The following MEIS2 variants were observed in gnomAD, a reference collection of about 807,000 sequenced individuals.
MEIS2 encodes the protein Meis homeobox 2.
In MEIS2, 9 loss-of-function variants were observed where a neutral mutation model predicts 58.6. That is an observed-to-expected ratio of 0.15 (90% CI 0.09 to 0.27). The LOEUF (loss-of-function observed/expected upper bound fraction) is 0.27. MEIS2 is among the 10% of genes least tolerant of loss of function. The probability of loss-of-function intolerance (pLI) is 1.00; values close to 1 mark genes in which losing one functional copy is unlikely to be tolerated. For synonymous variants in MEIS2, 221 were observed against 228.4 expected (o/e 0.97, Z 0.29); for missense variants, 427 against 635.0 (o/e 0.67, Z 3.52).
At chr15:36,983,098 G>C (rs989912325) in intron 8 of MEIS2, among the ~76,000 whole-genome samples, 1 of 152,048 alleles carries the variant, frequency 6.6e-6, no homozygotes, top group African/African-American at 2.4e-5. Context: ...CCTATAGGCT[G>C]TATATTCACT....
At chr15:37,070,958 G>A (rs11854578) in intron 7 of MEIS2, among the ~76,000 whole-genome samples, 2 of 151,834 alleles carry the variant, frequency 1.3e-5, no homozygotes, top group Admixed American at 6.6e-5. Flanking sequence ...GGAAGCATAC[G>A]GGTCTGCTAT....
At chr15:37,027,469 C>T (rs2061745092) in intron 8 of MEIS2, among the ~76,000 whole-genome samples, 1 of 152,136 alleles carries the variant, frequency 6.6e-6, no homozygotes, top group African/African-American at 2.4e-5. Context: ...GAAATTTTCC[C>T]TATGATCTGA....
At chr15:37,090,870 T>G (rs145885075) in intron 6 of MEIS2, among the ~76,000 whole-genome samples, 1 of 152,134 alleles carries the variant, frequency 6.6e-6, no homozygotes, top group Non-Finnish European at 1.5e-5. Flanking sequence ...CAGCATTTCA[T>G]GTGCAAATAA....
chr15:36,990,757 C>A (rs967188117), intron 8 of MEIS2, among the ~76,000 whole-genome samples: 1 of 150,646 alleles, frequency 6.6e-6, no homozygotes, highest in African/African-American at 2.4e-5. Flanking sequence ...AAAAACTTAA[C>A]ATTTTTAGTA....
intron 9 of MEIS2, among the ~76,000 whole-genome samples, chr15:36,904,641 T>C (rs5811945): frequency 0.027 from 1,834 of 68,542 alleles, 31 homozygotes; most frequent in African/African-American, 0.07. Context: ...TTTTCTTCTT[T>C]TTTTTTTTTT....
intron 7 of MEIS2, among the ~76,000 whole-genome samples, chr15:37,037,254 C>T (rs919429497): frequency 2.6e-5 from 4 of 152,098 alleles, no homozygotes; most frequent in Admixed American, 1.3e-4. Context: ...GTGGGAAAAC[C>T]GCCATCAGAA....
intron 7 of MEIS2, among the ~76,000 whole-genome samples, chr15:37,082,036 T>C (rs1596095693): frequency 6.6e-6 from 1 of 152,202 alleles, no homozygotes; most frequent in East Asian, 1.9e-4. Flanking sequence ...TTTCTTGCTA[T>C]CTCCCTTGCC....
intron 6 of MEIS2, among the ~76,000 whole-genome samples, chr15:37,090,249 C>T (rs554790403): frequency 7.4e-4 from 113 of 151,822 alleles, no homozygotes; most frequent in South Asian, 1.7e-3. Context: ...CTAAATACAA[C>T]GAAATTGTAA....
chr15:37,045,855 C>T (rs1567222322), intron 7 of MEIS2, among the ~76,000 whole-genome samples: 2 of 152,064 alleles, frequency 1.3e-5, no homozygotes, highest in Non-Finnish European at 2.9e-5. Flanking sequence ...GAGGGTTTTC[C>T]GACATTAAAG....
At chr15:36,908,627 C>T (rs2141258624) in intron 9 of MEIS2, among the ~76,000 whole-genome samples, 1 of 152,096 alleles carries the variant, frequency 6.6e-6, no homozygotes, top group Admixed American at 6.5e-5. Context: ...TTTCTATTTC[C>T]ACTTTCACAA....
intron 7 of MEIS2, among the ~76,000 whole-genome samples, chr15:37,044,489 T>C (rs1328922873): frequency 6.6e-6 from 1 of 152,208 alleles, no homozygotes; most frequent in African/African-American, 2.4e-5. Context: ...AAATATGATT[T>C]TGAAGCAGAA....
rs117434306 is a variant in MEIS2, at chr15:36,891,721, C to T, written c.*452G>A. 54 of 162,714 alleles carry T rather than the reference C, an allele frequency of 3.3e-4. No individual in the cohort carries two copies. The East Asian group carries it at 9.8e-3, about 30-fold the overall frequency. 10.1% of individuals were successfully genotyped at this position (162,714 alleles called of 1,614,324 possible). A position where few individuals can be genotyped will look rare whatever the true frequency, so the allele number is the denominator to read the frequency against. On this transcript the variant is annotated 3_prime_UTR_variant, in exon 12 of 12. Coordinates refer to ENST00000561208, the MANE Select transcript of MEIS2 (RefSeq NM_170675.5). The stretch of plus-strand genomic sequence containing the variant: ...TCCAGTGTGGTTCTTTTCTCATTGG[C>T]CCAACAGGTTTAAAATATATACCAC...
chr15:37,021,342 C>T (rs546489553), intron 8 of MEIS2, among the ~76,000 whole-genome samples: 5 of 152,286 alleles, frequency 3.3e-5, no homozygotes, highest in African/African-American at 1.2e-4. Flanking sequence ...TTCCTCTTCA[C>T]AGTTGTTGAG....
intron 8 of MEIS2, among the ~76,000 whole-genome samples, chr15:37,023,918 T>C (rs1300920745): frequency 2.0e-5 from 3 of 147,982 alleles, no homozygotes; most frequent in African/African-American, 5.1e-5. Context: ...TCTCTTTTTT[T>C]TTTTTTTTTT....
rs775995092 is a variant in MEIS2 at position 36,892,455 on chromosome 15, C to A, written c.1152G>T (p.Leu384Phe). 3.8e-6 allele frequency: 6 copies of A among 1,568,162 alleles called. No homozygotes were observed. Among genetic ancestry groups the A allele is most frequent in the Non-Finnish European group, 4.3e-6 (5 of 1,154,142 alleles). ...QQHMGIRPAG[L>F]QSMPGDYVSQ... ...AAACGTAGTCCCCTGGCATGCTCTG[C>A]AAACCTGAAAATAGAGAGGGAAAAA... Residue 384 changes from leucine to phenylalanine, a missense_variant, in exon 12 of 12, where the codon TTG (leucine) becomes TTT (phenylalanine). Transcript: ENST00000561208.
rs764654791 is a variant in MEIS2 at position 37,098,077 on chromosome 15, G to A, written c.135C>T (p.Leu45=). The change falls in exon 2 of 12, where the codon CTC becomes CTT. Residue 45 remains leucine, a synonymous_variant. Transcript: ENST00000561208. ...GCGCGCCGTAGTGCTGTGTGGCGTG[G>A]AGCGGCGGCCCGTGGTTCAGGTGGT... The part of the protein sequence containing the change: ...PVHHLNHGPP[L]HATQHYGAHA... 1.9e-6 allele frequency: 3 copies of A among 1,613,842 alleles called. No individual in the cohort carries two copies. Among genetic ancestry groups the A allele is most frequent in the Non-Finnish European group, 1.7e-6 (2 of 1,179,954 alleles).
chr15:37,021,008 C>T (rs1749413306), intron 8 of MEIS2, among the ~76,000 whole-genome samples: 1 of 152,108 alleles, frequency 6.6e-6, no homozygotes, highest in African/African-American at 2.4e-5. Flanking sequence ...GAGAAGGTGG[C>T]TGTCTGCAAA....
At chr15:37,077,946 A>G (rs1891637925) in intron 7 of MEIS2, among the ~76,000 whole-genome samples, 1 of 152,130 alleles carries the variant, frequency 6.6e-6, no homozygotes, top group African/African-American at 2.4e-5. Context: ...AACTGATTCC[A>G]ACAAGAATTT....
chr15:36,905,566 G>A (rs1411583009), intron 9 of MEIS2, among the ~76,000 whole-genome samples: 2 of 152,052 alleles, frequency 1.3e-5, no homozygotes, highest in African/African-American at 2.4e-5. Flanking sequence ...GGAAGAGGGC[G>A]GAAGGTAAAG....
Sources: gnomAD v4.1 joint callset for allele counts (sites outside exome capture counted in the v4.1 genomes callset) on GRCh38, gnomAD v4.1.1 for gene constraint, MANE v1.5 for transcripts, NCBI Gene and HGNC (gene_info 2026-07-23, HGNC 2026-07-21) for gene names.